Variants in ZDHHC11B observed in about 807,000 individuals in gnomAD.
ZDHHC11B encodes the protein probable palmitoyltransferase ZDHHC11B.
ZDHHC11B carries 17 observed loss-of-function variants against 42.3 expected under a neutral mutation model. That is an observed-to-expected ratio of 0.40 (90% CI 0.27 to 0.60). ZDHHC11B has a LOEUF of 0.60. ZDHHC11B is among the 20% of genes least tolerant of loss of function. The probability of loss-of-function intolerance (pLI) is 0.41; values close to 1 mark genes in which losing one functional copy is unlikely to be tolerated. For synonymous variants in ZDHHC11B, 123 were observed against 193.5 expected, an observed-to-expected ratio of 0.64 and a Z score of 3.02; for missense variants, 262 against 463.2, an observed-to-expected ratio of 0.57 and a Z score of 3.99.
At chr5:763,650 G>A (rs1180104273) in intron 4 of ZDHHC11B, among the ~76,000 whole-genome samples, 2 of 151,762 alleles carry the variant, frequency 1.3e-5, no homozygotes, top group Non-Finnish European at 1.5e-5. Context: ...CCCATGGCAC[G>A]TGGGCTCCTG....
At chr5:776,902 G>A (rs1736547121) in intron 1 of ZDHHC11B, among the ~76,000 whole-genome samples, 1 of 151,860 alleles carries the variant, frequency 6.6e-6, no homozygotes, top group Non-Finnish European at 1.5e-5. Flanking sequence ...CCTGCTCCGC[G>A]GGACTCTCCC....
At chr5:732,714 C>G in intron 11 of ZDHHC11B, 1 of 427,498 alleles carries the variant, frequency 2.3e-6, no homozygotes, top group South Asian at 1.7e-5. Flanking sequence ...GAAACTGGCC[C>G]CCTCACAAAT....
intron 1 of ZDHHC11B, among the ~76,000 whole-genome samples, chr5:777,384 C>CAA (rs1285893752): frequency 6.6e-6 from 1 of 151,838 alleles, no homozygotes; most frequent in Non-Finnish European, 1.5e-5. Context: ...CCGGTGGGCT[C>CAA]GTGGTCTGGC....
intron 9 of ZDHHC11B, among the ~76,000 whole-genome samples, chr5:744,982 T>A (rs1305657632): frequency 6.8e-6 from 1 of 147,170 alleles, no homozygotes; most frequent in Non-Finnish European, 1.5e-5. Flanking sequence ...AGGAAGTCCG[T>A]GGTGCATGAC....
chr5:739,473 T>C (rs1396622806), intron 10 of ZDHHC11B, among the ~76,000 whole-genome samples: 1 of 150,768 alleles, frequency 6.6e-6, no homozygotes, highest in African/African-American at 2.4e-5. Flanking sequence ...GAGACAGTTC[T>C]CAACAGAAGA....
intron 1 of ZDHHC11B, among the ~76,000 whole-genome samples, chr5:776,006 T>C (rs1371009976): frequency 4.0e-5 from 6 of 148,506 alleles, no homozygotes; most frequent in Admixed American, 4.0e-4. Context: ...CAGATTCCCA[T>C]GCAGATACCC....
Position 711,818 on chromosome 5 carries a change from T to C in ZDHHC11B, c.*472A>G, listed in dbSNP as rs1345503216. 6.4e-6 allele frequency: 1 copy of C among 155,088 alleles called. No individual in the cohort carries two copies. 9.6% of individuals were successfully genotyped at this position (155,088 alleles called of 1,614,324 possible). ...CCATTTCCTAGTACTGTGCTACCAT[T>C]TCCCAGTACTGTGCTCCCATTTCTC... is the stretch of plus-strand genomic sequence containing the variant. On this transcript the variant is annotated 3_prime_UTR_variant, in exon 14 of 14. Coordinates refer to ENST00000508859, the MANE Select transcript of ZDHHC11B (RefSeq NM_001351303.2).
intron 4 of ZDHHC11B, among the ~76,000 whole-genome samples, chr5:761,893 A>ATAG (rs1561179812): frequency 2.0e-5 from 3 of 151,370 alleles, no homozygotes; most frequent in Non-Finnish European, 4.4e-5. Flanking sequence ...ACAGCCACTC[A>ATAG]CAGCCCTGGA....
chr5:773,401 C>G (rs1736213787), intron 1 of ZDHHC11B, among the ~76,000 whole-genome samples: 1 of 151,896 alleles, frequency 6.6e-6, no homozygotes. Flanking sequence ...TCCAGGAAGA[C>G]AAACTGCTCA....
intron 10 of ZDHHC11B, among the ~76,000 whole-genome samples, chr5:737,846 T>C (rs1374934989): frequency 6.9e-6 from 1 of 144,862 alleles, no homozygotes; most frequent in Non-Finnish European, 1.5e-5. Context: ...GCCAACATTA[T>C]ACTGAATGGG....
intron 13 of ZDHHC11B, among the ~76,000 whole-genome samples, chr5:713,097 C>T (rs1237131494): frequency 6.6e-6 from 1 of 150,864 alleles, no homozygotes; most frequent in Non-Finnish European, 1.5e-5. Flanking sequence ...GACATCTTCC[C>T]AATTTTCTCT....
intron 12 of ZDHHC11B, among the ~76,000 whole-genome samples, chr5:722,782 G>T (rs535288755): frequency 6.6e-6 from 1 of 151,440 alleles, no homozygotes; most frequent in African/African-American, 2.4e-5. Context: ...AATTAAGTGT[G>T]GTACGGGGTG....
chr5:774,975 G>T (rs1466508379), intron 1 of ZDHHC11B, among the ~76,000 whole-genome samples: 1 of 152,032 alleles, frequency 6.6e-6, no homozygotes, highest in African/African-American at 2.4e-5. Flanking sequence ...TGGCAGAGGA[G>T]GCTGGTGGAC....
At chr5:775,706 G>A (rs1190249688) in intron 1 of ZDHHC11B, among the ~76,000 whole-genome samples, 7 of 151,814 alleles carry the variant, frequency 4.6e-5, no homozygotes, top group South Asian at 2.1e-4. Context: ...TGGAGACGCC[G>A]CCCAGGAGTC....
intron 12 of ZDHHC11B, among the ~76,000 whole-genome samples, chr5:728,349 G>T (rs1742747321): frequency 6.6e-6 from 1 of 151,956 alleles, no homozygotes; most frequent in African/African-American, 2.4e-5. Flanking sequence ...AAATGCAAAT[G>T]CCCTTTGACT....
chr5:748,563 G>A lies in ZDHHC11B; in HGVS notation c.629-4C>T. 7.3e-7 allele frequency: 1 copy of A among 1,361,004 alleles called. No homozygotes were observed. The highest frequency in any genetic ancestry group is 3.5e-5 in the East Asian group (1 of 28,896). The allele number at this position is 1,361,004 out of a possible 1,614,324, so 84.3% of individuals were successfully genotyped here. ...CACGTGTTCATATTCTTGACATCTG[G>A]GGAGACAAGGGAGAGACACTGTGTC... On this transcript the variant is annotated splice_polypyrimidine_tract_variant and splice_region_variant and intron_variant, in intron 7 of 13. Transcript: ENST00000508859.
At chr5:773,733 C>A (rs1379679881) in intron 1 of ZDHHC11B, among the ~76,000 whole-genome samples, 1 of 151,852 alleles carries the variant, frequency 6.6e-6, no homozygotes, top group East Asian at 1.9e-4. Context: ...CCAAGTGGGG[C>A]CTGGCCAGGA....
chr5:714,919 A>G (rs1741635424), intron 13 of ZDHHC11B, among the ~76,000 whole-genome samples: 1 of 150,924 alleles, frequency 6.6e-6, no homozygotes, highest in South Asian at 2.1e-4. Context: ...GCTCTAACCA[A>G]CCCATGAGAC....
chr5:710,632 C>A lies in ZDHHC11B; in HGVS notation c.*1658G>T, dbSNP rs6890554. 4.5e-5 allele frequency: 2 copies of A among 44,406 alleles called. No individual in the cohort carries two copies. The highest frequency in any genetic ancestry group is 1.4e-4 in the African/African-American group (1 of 7,354). The allele number at this position is 44,406 out of a possible 1,614,324, so 2.8% of individuals were successfully genotyped here. A position where few individuals can be genotyped will look rare whatever the true frequency, so the allele number is the denominator to read the frequency against. The stretch of plus-strand genomic sequence containing the variant: ...TTTCTCAGTACTGGGCTCCCATTTC[C>A]CAGTACTGTGCTCCCATTTCTCAGT... On this transcript the variant is annotated 3_prime_UTR_variant, in exon 14 of 14. Coordinates refer to ENST00000508859, the MANE Select transcript of ZDHHC11B (RefSeq NM_001351303.2).
Sources: allele counts gnomAD v4.1 joint callset (sites outside exome capture counted in the v4.1 genomes callset), GRCh38; gene constraint gnomAD v4.1.1; transcripts MANE v1.5; gene names NCBI Gene and HGNC (gene_info 2026-07-23, HGNC 2026-07-21).